The following TAS2R1 variants were observed in gnomAD, a reference collection of about 807,000 sequenced individuals.
The protein encoded by TAS2R1 is taste 2 receptor member 1.
For synonymous variants in TAS2R1, 141 were observed against 134.2 expected (o/e 1.05, Z -0.35); for missense variants, 370 against 353.4 (o/e 1.05, Z -0.38).
chr5:9,829,743 G>T, the TAS2R1 span, among the ~76,000 whole-genome samples: 2 of 152,090 alleles, frequency 1.3e-5, no homozygotes, highest in Non-Finnish European at 2.9e-5. Flanking sequence ...AATGAGTCAT[G>T]GTTGATGCAA....
the TAS2R1 span, among the ~76,000 whole-genome samples, chr5:9,892,903 A>T: frequency 3.3e-5 from 5 of 152,184 alleles, no homozygotes; most frequent in African/African-American, 1.2e-4. Context: ...GTATCCCTGC[A>T]TTCATTTGCC....
the TAS2R1 span, among the ~76,000 whole-genome samples, chr5:9,822,185 A>G: frequency 6.6e-6 from 1 of 152,056 alleles, no homozygotes; most frequent in African/African-American, 2.4e-5. Flanking sequence ...TAATTTTCAC[A>G]TGGCTATATC....
At chr5:9,857,652 T>G in the TAS2R1 span, among the ~76,000 whole-genome samples, 1 of 152,196 alleles carries the variant, frequency 6.6e-6, no homozygotes, top group Non-Finnish European at 1.5e-5. Context: ...TATCTCCATG[T>G]CTTTTGGGTC....
the TAS2R1 span, among the ~76,000 whole-genome samples, chr5:9,720,223 A>C: frequency 6.6e-6 from 1 of 152,172 alleles, no homozygotes; most frequent in African/African-American, 2.4e-5. Flanking sequence ...CAACCACAAA[A>C]ATCTCTGTAG....
At chr5:9,872,205 G>A in the TAS2R1 span, among the ~76,000 whole-genome samples, 46 of 152,208 alleles carry the variant, frequency 3.0e-4, no homozygotes, top group African/African-American at 8.9e-4. Context: ...AAAAGTTTCC[G>A]TGTGATTCAG....
chr5:9,870,784 G>T, the TAS2R1 span, among the ~76,000 whole-genome samples: 1 of 152,130 alleles, frequency 6.6e-6, no homozygotes. Flanking sequence ...AGCCAAGTAG[G>T]TGTTCTCCAT....
chr5:9,657,636 C>T (rs1740440442), intron 2 of TAS2R1, among the ~76,000 whole-genome samples: 1 of 152,126 alleles, frequency 6.6e-6, no homozygotes, highest in Non-Finnish European at 1.5e-5. Context: ...AGTGAAACAA[C>T]CCAGACTCAT....
chr5:9,743,477 T>C, the TAS2R1 span, among the ~76,000 whole-genome samples: 1 of 152,254 alleles, frequency 6.6e-6, no homozygotes, highest in African/African-American at 2.4e-5. Context: ...ACAGGCAATA[T>C]GGAAAAAATA....
intron 1 of TAS2R1, among the ~76,000 whole-genome samples, chr5:9,708,148 G>A (rs1377135550): frequency 2.0e-5 from 3 of 152,150 alleles, no homozygotes; most frequent in Non-Finnish European, 4.4e-5. Context: ...AAAAAGAAGG[G>A]CCCGTAGAAT....
the TAS2R1 span, among the ~76,000 whole-genome samples, chr5:9,718,510 G>T: frequency 6.6e-6 from 1 of 151,970 alleles, no homozygotes; most frequent in Non-Finnish European, 1.5e-5. Context: ...CCAAGAGGCT[G>T]GGTGCAGTGG....
chr5:9,696,413 T>C lies in TAS2R1; in HGVS notation c.-242+15759A>G, dbSNP rs191860922. ...TATCTCTACTAAAAATACAAAAAAATTAGCCAGGCGTGGTGGCACGTGCCT... is the reference window on the plus strand; with the variant it reads ...TATCTCTACTAAAAATACAAAAAAACTAGCCAGGCGTGGTGGCACGTGCCT... On this transcript the variant is annotated intron_variant, in intron 1 of 2. Transcript: ENST00000506620. Among the ~76,000 whole-genome samples, 129 of 151,830 alleles carry C rather than the reference T, an allele frequency of 8.5e-4. 2 individuals are homozygous for C. The Middle Eastern group carries it at 0.014, about 16-fold the overall frequency.
intron 1 of TAS2R1, among the ~76,000 whole-genome samples, chr5:9,682,973 C>T (rs1170231625): frequency 2.0e-5 from 3 of 152,130 alleles, no homozygotes; most frequent in Non-Finnish European, 2.9e-5. Flanking sequence ...CAACTCTAAG[C>T]AACCAACAGT....
At chr5:9,634,283 T>G (rs1049479047), upstream of TAS2R1, among the ~76,000 whole-genome samples, 7 of 152,014 alleles carry the variant, frequency 4.6e-5, no homozygotes, top group African/African-American at 1.4e-4. Flanking sequence ...GTTTGCTTTT[T>G]TGTTCCATTG....
At chr5:9,801,315 G>C in the TAS2R1 span, among the ~76,000 whole-genome samples, 1 of 152,220 alleles carries the variant, frequency 6.6e-6, no homozygotes, top group Non-Finnish European at 1.5e-5. Context: ...CCAGAACTGA[G>C]AGAAATCAAT....
At chr5:9,772,106 G>T in the TAS2R1 span, among the ~76,000 whole-genome samples, 1 of 151,482 alleles carries the variant, frequency 6.6e-6, no homozygotes, top group Admixed American at 6.6e-5. Flanking sequence ...TTGTTTATTC[G>T]AAGTTTTTCT....
the TAS2R1 span, among the ~76,000 whole-genome samples, chr5:9,843,826 T>A: frequency 6.6e-6 from 1 of 152,216 alleles, no homozygotes; most frequent in Non-Finnish European, 1.5e-5. Flanking sequence ...CAAGCTGGGC[T>A]ACATTCTCAA....
At chr5:9,799,931 A>G in the TAS2R1 span, among the ~76,000 whole-genome samples, 1 of 152,258 alleles carries the variant, frequency 6.6e-6, no homozygotes, top group Non-Finnish European at 1.5e-5. Flanking sequence ...TCATAAAAAA[A>G]TCCCACAAGC....
chr5:9,825,123 T>C, the TAS2R1 span, among the ~76,000 whole-genome samples: 1 of 152,198 alleles, frequency 6.6e-6, no homozygotes, highest in Non-Finnish European at 1.5e-5. Flanking sequence ...TTTCCTGATA[T>C]AAAATAGCAA....
At chr5:9,899,062 C>A in the TAS2R1 span, among the ~76,000 whole-genome samples, 2 of 152,174 alleles carry the variant, frequency 1.3e-5, no homozygotes, top group African/African-American at 4.8e-5. Flanking sequence ...TAAATGCCAA[C>A]TAACCACCCT....
Sources: allele counts gnomAD v4.1 joint callset (sites outside exome capture counted in the v4.1 genomes callset), GRCh38; gene constraint gnomAD v4.1.1; transcripts MANE v1.5; gene names NCBI Gene and HGNC (gene_info 2026-07-23, HGNC 2026-07-21).